The following CRMP1 variants were observed in gnomAD, a reference collection of about 807,000 sequenced individuals.
CRMP1 encodes the protein collapsin response mediator protein 1.
A neutral mutation model predicts 68.3 loss-of-function variants in CRMP1; 19 were observed. That is an observed-to-expected ratio of 0.28 (90% CI 0.19 to 0.41). The LOEUF (loss-of-function observed/expected upper bound fraction) is 0.41. Among genes scored for constraint, CRMP1 ranks in the 10% least tolerant of loss-of-function variants. The pLI is 1.00. For synonymous variants in CRMP1, 439 were observed against 399.6 expected (o/e 1.10, Z -1.18); for missense variants, 791 against 967.4 (o/e 0.82, Z 2.42).
intron 9 of CRMP1, 39 bp downstream of exon 9, chr4:5,839,483 C>T (rs921386597): frequency 3.2e-6 from 5 of 1,572,424 alleles, no homozygotes; most frequent in African/African-American, 1.4e-5. Flanking sequence ...CCAAAGGCCC[C>T]AGCTGCCTCC....
At chr4:5,823,614 T>C (rs964122977) in intron 13 of CRMP1, among the ~76,000 whole-genome samples, 5 of 152,234 alleles carry the variant, frequency 3.3e-5, no homozygotes, top group Non-Finnish European at 5.9e-5. Context: ...CTTGCTCTAT[T>C]AGCTCTCGGA....
intron 6 of CRMP1, among the ~76,000 whole-genome samples, 155 bp downstream of exon 6, chr4:5,849,237 T>G (rs1355553368): frequency 6.6e-6 from 1 of 152,160 alleles, no homozygotes; most frequent in African/African-American, 2.4e-5. Flanking sequence ...TTGCAAAGCA[T>G]TTTCATTCAT....
At position 5,860,102 on chromosome 4, in the gene CRMP1, C is replaced by A; in HGVS notation, c.655+924G>T. ...ACTGCTGGGGAGTGGTCTCACTGCCCGCAGTGTTTCCTTCCCTCCCCAACC... is the reference window on the plus strand; with the variant it reads ...ACTGCTGGGGAGTGGTCTCACTGCCAGCAGTGTTTCCTTCCCTCCCCAACC... On this transcript the variant is annotated intron_variant, in intron 3 of 13. Coordinates refer to ENST00000324989, the MANE Select transcript of CRMP1 (RefSeq NM_001014809.3). The surrounding 1 kb of genome is among the most constrained non-coding windows in gnomAD (Gnocchi z 4.2). Among the ~76,000 whole-genome samples the A allele has an allele frequency of 6.6e-6, 1 of 152,196 alleles. No homozygotes were observed. Among genetic ancestry groups the A allele is most frequent in the East Asian group, 1.9e-4 (1 of 5,156 alleles).
chr4:5,871,001 C>T (rs138594669), intron 1 of CRMP1, among the ~76,000 whole-genome samples: 150 of 152,198 alleles, frequency 9.9e-4, no homozygotes, highest in Non-Finnish European at 1.8e-3. Context: ...GGGCTCAGCC[C>T]GAAAGGTGGT....
intron 12 of CRMP1, among the ~76,000 whole-genome samples, chr4:5,827,472 A>C (rs1577733731): frequency 6.6e-6 from 1 of 152,186 alleles, no homozygotes; most frequent in East Asian, 1.9e-4. Flanking sequence ...AGAGCCTCCC[A>C]GTCCGGGCTG....
At chr4:5,829,867 C>T (rs183623151) in intron 11 of CRMP1, among the ~76,000 whole-genome samples, 7 of 152,302 alleles carry the variant, frequency 4.6e-5, no homozygotes, top group East Asian at 1.9e-4. Context: ...AGTCTGCACA[C>T]GTGAACATGT....
At chr4:5,829,993 G>A (rs1457556362) in intron 11 of CRMP1, among the ~76,000 whole-genome samples, 1 of 152,158 alleles carries the variant, frequency 6.6e-6, no homozygotes, top group Non-Finnish European at 1.5e-5. Flanking sequence ...GAGCTTACCT[G>A]ACAGCCTTTG....
chr4:5,841,390 C>T lies in CRMP1; in HGVS notation c.1071G>A (p.Ala357=), dbSNP rs74438936. Residue 357 remains alanine (A), a synonymous_variant, in exon 8 of 14, where the codon GCG becomes GCA. Transcript: ENST00000324989. This position sits in a 1 kb window ranked among gnomAD's most constrained non-coding sequence, Gnocchi z 6.9. The stretch of plus-strand genomic sequence containing the variant: ...TGTACACAGGGCAGTTGATCCGGCC[C>T]GCAATGGTGATGGCCCGGAACACCG... ...AEAVFRAITI[A]GRINCPVYIT... is the part of the protein sequence containing the mutation. 2.1e-3 allele frequency: 3,385 copies of T among 1,614,134 alleles called. 61 individuals are homozygous for T. In the African/African-American group the frequency reaches 0.04, roughly 19 times the overall value.
In CRMP1 at chr4:5,865,662, G is replaced by C. The variant is rs1713945734; in HGVS notation, c.470+1006C>G. On this transcript the variant is annotated intron_variant, in intron 2 of 13. Transcript: ENST00000324989. This position sits in a 1 kb window ranked among gnomAD's most constrained non-coding sequence, Gnocchi z 4.1. ...AGAAGGCCGCCGCCTACAGACCCCT[G>C]CCTGGCGTTATGGACTGAATTGTAT... 6.6e-6 allele frequency among the ~76,000 whole-genome samples: 1 copy of C among 150,922 alleles called. No individual in the cohort carries two copies. Among genetic ancestry groups the C allele is most frequent in the African/African-American group, 2.4e-5 (1 of 41,016 alleles).
At chr4:5,839,151 G>C (rs1260879524) in intron 9 of CRMP1, among the ~76,000 whole-genome samples, 2 of 152,172 alleles carry the variant, frequency 1.3e-5, no homozygotes, top group Admixed American at 6.5e-5. Flanking sequence ...CTTCCACTTT[G>C]AGTAAAACGA....
At chr4:5,832,019 A>G (rs1039296621) in intron 11 of CRMP1, among the ~76,000 whole-genome samples, 23 of 152,362 alleles carry the variant, frequency 1.5e-4, no homozygotes, top group African/African-American at 4.6e-4. Flanking sequence ...GTACCCATCC[A>G]TGATATAGCA....
At chr4:5,884,236 T>C (rs1388651950) in intron 1 of CRMP1, among the ~76,000 whole-genome samples, 1 of 152,186 alleles carries the variant, frequency 6.6e-6, no homozygotes, top group Non-Finnish European at 1.5e-5. Context: ...TGGATATCCA[T>C]AGATAGGCTG....
chr4:5,868,361 G>A (rs977002560), intron 1 of CRMP1, among the ~76,000 whole-genome samples: 3 of 147,638 alleles, frequency 2.0e-5, no homozygotes, highest in Admixed American at 6.8e-5. Flanking sequence ...GAGTGCAGTG[G>A]CACGATTTCA....
Position 5,821,505 on chromosome 4 carries a change from A to G in CRMP1, c.*255T>C, listed in dbSNP as rs1718550341. 1 of 525,602 alleles carries G rather than the reference A, an allele frequency of 1.9e-6. No individual in the cohort carries two copies. The highest frequency in any genetic ancestry group is 3.1e-5 in the Admixed American group (1 of 32,440). 32.6% of individuals were successfully genotyped at this position (525,602 alleles called of 1,614,324 possible). On this transcript the variant is annotated 3_prime_UTR_variant, in exon 14 of 14. Coordinates refer to ENST00000324989, the MANE Select transcript of CRMP1 (RefSeq NM_001014809.3). The surrounding 1 kb of genome is among the most constrained non-coding windows in gnomAD (Gnocchi z 4.4). ...AAGACAATGCTAAAACCTGTGGTTCACTAGGAAGGGGGAATGAAAACACCA... is the reference window on the plus strand; with the variant it reads ...AAGACAATGCTAAAACCTGTGGTTCGCTAGGAAGGGGGAATGAAAACACCA...
Position 5,833,321 on chromosome 4 carries a change from T to C in CRMP1, c.1623+2594A>G, listed in dbSNP as rs921080917. ...AGCTGGGACTACAGGCGCCCGCCAC[T>C]ACGCCCGGCTAATTTTTTGTATTTT... On this transcript the variant is annotated intron_variant, in intron 11 of 13. Transcript: ENST00000324989. 6.1e-5 allele frequency among the ~76,000 whole-genome samples: 8 copies of C among 132,034 alleles called. 1 individual carries two copies. The South Asian group carries it at 7.5e-4, about 12-fold the overall frequency. The allele number at this position is 132,034 out of a possible 152,430, so 86.6% of individuals were successfully genotyped here.
intron 8 of CRMP1, 72 bp from the exon 9 acceptor site, chr4:5,839,750 T>C: frequency 6.8e-7 from 1 of 1,475,178 alleles, no homozygotes; most frequent in Non-Finnish European, 9.1e-7. Context: ...GGCACAAAAT[T>C]GGAAGACTGT....
intron 1 of CRMP1, among the ~76,000 whole-genome samples, chr4:5,880,313 C>T (rs1467193151): frequency 2.0e-5 from 3 of 152,154 alleles, no homozygotes; most frequent in Non-Finnish European, 2.9e-5. Flanking sequence ...TTCGATTCAA[C>T]GTTGAGGTTA....
chr4:5,883,912 G>A lies in CRMP1; in HGVS notation c.381+8677C>T, dbSNP rs1018661679. Among the ~76,000 whole-genome samples the A allele has an allele frequency of 1.3e-5, 2 of 152,158 alleles. No homozygotes were observed. The highest frequency in any genetic ancestry group is 2.9e-5 in the Non-Finnish European group (2 of 68,026). On this transcript the variant is annotated intron_variant, in intron 1 of 13. Transcript: ENST00000324989. The surrounding 1 kb of genome is among the most constrained non-coding windows in gnomAD (Gnocchi z 4.5). ...ATAGTTACGTCACTTTCACTTTTAT[G>A]TCCCCTCTGAGACATTTTTAAGAAT... is the stretch of plus-strand genomic sequence containing the variant.
At chr4:5,875,217 T>G (rs1001657697) in intron 1 of CRMP1, among the ~76,000 whole-genome samples, 2 of 152,170 alleles carry the variant, frequency 1.3e-5, no homozygotes, top group African/African-American at 2.4e-5. Flanking sequence ...ACAGTCAGCC[T>G]CAGCTCAGAG....
Sources: gnomAD v4.1 joint callset for allele counts (sites outside exome capture counted in the v4.1 genomes callset) on GRCh38, gnomAD v4.1.1 for gene constraint, Gnocchi (gnomAD v3.1) non-coding constraint, MANE v1.5 for transcripts, NCBI Gene and HGNC (gene_info 2026-07-23, HGNC 2026-07-21) for gene names.